LIMD1: variants seen among roughly 807,000 people sequenced by gnomAD.
The protein encoded by LIMD1 is LIM domain containing 1.
Under a neutral mutation model 58.4 loss-of-function variants are expected in LIMD1, and 23 were observed. The observed-to-expected ratio is 0.39, with a 90% CI of 0.28 to 0.56. The LOEUF (loss-of-function observed/expected upper bound fraction) is 0.56. LIMD1 is among the 20% of genes least tolerant of loss of function. The pLI is 0.57. For missense variants in LIMD1, 838 were observed against 855.5 expected, an observed-to-expected ratio of 0.98 and a Z score of 0.25; for synonymous variants, 334 against 345.5, an observed-to-expected ratio of 0.97 and a Z score of 0.37.
chr3:45,656,239 C>G (rs115892573), intron 2 of LIMD1, among the ~76,000 whole-genome samples: 6,036 of 152,268 alleles, frequency 0.04, 130 homozygotes, highest in African/African-American at 0.062. Context: ...AAGCTACTCA[C>G]TTTATGGTAT....
At chr3:45,658,532 A>ATGCTTTT (rs1553646072) in intron 2 of LIMD1, among the ~76,000 whole-genome samples, 1 of 72,138 alleles carries the variant, frequency 1.4e-5, no homozygotes, top group Non-Finnish European at 3.0e-5. Flanking sequence ...CACCATGCAG[A>ATGCTTTT]TTCTTTTTTT....
At chr3:45,648,892 C>G (rs1268303579) in intron 2 of LIMD1, among the ~76,000 whole-genome samples, 2 of 152,164 alleles carry the variant, frequency 1.3e-5, no homozygotes. Context: ...AATGTCTTCT[C>G]AATTCCCTGC....
intron 1 of LIMD1, among the ~76,000 whole-genome samples, chr3:45,607,294 C>T (rs1233747961): frequency 6.6e-6 from 1 of 152,106 alleles, no homozygotes; most frequent in African/African-American, 2.4e-5. Flanking sequence ...CACAGGGTCT[C>T]GGGGTCACAC....
chr3:45,603,965 C>T (rs576452555), intron 1 of LIMD1, among the ~76,000 whole-genome samples: 21 of 151,500 alleles, frequency 1.4e-4, no homozygotes, highest in Admixed American at 9.2e-4. Flanking sequence ...TCACCCAGGA[C>T]GCTCCTTGTG....
intron 2 of LIMD1, among the ~76,000 whole-genome samples, chr3:45,640,716 C>T (rs1377787025): frequency 6.6e-6 from 1 of 152,228 alleles, no homozygotes; most frequent in Non-Finnish European, 1.5e-5. Flanking sequence ...AAGCGTGAGC[C>T]ACCACTCCCA....
At chr3:45,602,899 G>A (rs530230347) in intron 1 of LIMD1, among the ~76,000 whole-genome samples, 1 of 151,772 alleles carries the variant, frequency 6.6e-6, no homozygotes, top group South Asian at 2.1e-4. Context: ...GAGTGCAGTG[G>A]TGCGATCTTG....
At chr3:45,649,780 T>C (rs1406829824) in intron 2 of LIMD1, among the ~76,000 whole-genome samples, 2 of 144,980 alleles carry the variant, frequency 1.4e-5, no homozygotes, top group Admixed American at 1.4e-4. Context: ...ATTATATATA[T>C]AAAATATATA....
intron 1 of LIMD1, among the ~76,000 whole-genome samples, chr3:45,625,265 A>G (rs150983602): frequency 3.9e-5 from 6 of 152,222 alleles, no homozygotes; most frequent in Admixed American, 2.0e-4. Context: ...ACTGTTGTGC[A>G]CAGAGAAAGT....
chr3:45,666,755 G>A (rs898634789), intron 3 of LIMD1, among the ~76,000 whole-genome samples: 8 of 152,086 alleles, frequency 5.3e-5, no homozygotes, highest in Non-Finnish European at 1.2e-4. Context: ...AAGAACATGC[G>A]TCTTCACCTT....
At position 45,620,414 on chromosome 3, in the gene LIMD1, A is replaced by G. The variant is rs965849641; in HGVS notation, c.1409-15736A>G. ...GGAAAACTTTTGTACAGAGGATTCC[A>G]TTAGTAAAATGTAGAAAGAATGATG... On this transcript the variant is annotated intron_variant, in intron 1 of 7. Transcript: ENST00000273317. Among the ~76,000 whole-genome samples, 99 of 152,230 alleles carry G rather than the reference A, an allele frequency of 6.5e-4. 1 individual carries two copies. Among genetic ancestry groups the G allele is most frequent in the Non-Finnish European group, 1.8e-4 (12 of 68,046 alleles).
intron 1 of LIMD1, among the ~76,000 whole-genome samples, chr3:45,611,859 T>C (rs765354629): frequency 7.2e-5 from 11 of 152,264 alleles, no homozygotes; most frequent in Admixed American, 3.3e-4. Flanking sequence ...CCTCTACCCA[T>C]AGCACACAGC....
intron 1 of LIMD1, among the ~76,000 whole-genome samples, chr3:45,618,612 G>GGAAAT (rs1553643477): frequency 6.6e-6 from 1 of 152,154 alleles, no homozygotes; most frequent in Non-Finnish European, 1.5e-5. Flanking sequence ...AGGGAGGGAA[G>GGAAAT]GAAATGAACT....
intron 1 of LIMD1, among the ~76,000 whole-genome samples, chr3:45,621,132 G>T (rs1266265274): frequency 1.3e-5 from 2 of 152,232 alleles, no homozygotes; most frequent in African/African-American, 2.4e-5. Context: ...AGCTGTCCCA[G>T]GTTAAAGGAG....
intron 1 of LIMD1, among the ~76,000 whole-genome samples, chr3:45,601,330 C>T (rs1020411431): frequency 6.6e-6 from 1 of 152,170 alleles, no homozygotes; most frequent in Non-Finnish European, 1.5e-5. Flanking sequence ...CTTCACACTC[C>T]CTCATGGATC....
Position 45,666,985 on chromosome 3 carries a change from C to T in LIMD1, c.1578+1268C>T, listed in dbSNP as rs144463083. Among the ~76,000 whole-genome samples, 74 of 152,278 alleles carry T rather than the reference C, an allele frequency of 4.9e-4. 1 individual carries two copies. The highest frequency in any genetic ancestry group is 1.7e-3 in the African/African-American group (69 of 41,554). On this transcript the variant is annotated intron_variant, in intron 3 of 7. Transcript: ENST00000273317. Reference sequence around the variant, plus strand: ...CCAGAAACAGACTAGCAAACCCAAACGGGCTTAAGTAAAAAGGAAATTATT... The same window carrying T: ...CCAGAAACAGACTAGCAAACCCAAATGGGCTTAAGTAAAAAGGAAATTATT...
chr3:45,612,596 G>A (rs1210376754), intron 1 of LIMD1, among the ~76,000 whole-genome samples: 1 of 152,154 alleles, frequency 6.6e-6, no homozygotes, highest in Non-Finnish European at 1.5e-5. Context: ...TTTGACAGAT[G>A]CATGCACCTG....
Position 45,685,382 on chromosome 3 carries a change from T to C in LIMD1, c.*8323T>C, listed in dbSNP as rs1697798151. On this transcript the variant is annotated 3_prime_UTR_variant, in exon 8 of 8. Coordinates refer to ENST00000273317, the MANE Select transcript of LIMD1 (RefSeq NM_014240.3). The stretch of plus-strand genomic sequence containing the variant: ...GTAAAGAAACGTCAAACTTTGCCTC[T>C]CTTAGTTCCTTCTACATGACAATGG... 6.6e-6 allele frequency: 1 copy of C among 152,242 alleles called. No homozygotes were observed. Among genetic ancestry groups the C allele is most frequent in the African/African-American group, 2.4e-5 (1 of 41,464 alleles). The allele number at this position is 152,242 out of a possible 1,614,324, so 9.4% of individuals were successfully genotyped here. A position where few individuals can be genotyped will look rare whatever the true frequency, so the allele number is the denominator to read the frequency against.
chr3:45,616,879 T>C (rs1377087551), intron 1 of LIMD1, among the ~76,000 whole-genome samples: 1 of 149,408 alleles, frequency 6.7e-6, no homozygotes, highest in African/African-American at 2.5e-5. Flanking sequence ...AGGTTACAGG[T>C]GTGCGCCACC....
intron 2 of LIMD1, among the ~76,000 whole-genome samples, chr3:45,649,703 TGTATAC>T (rs1437697971): frequency 0.03 from 2,939 of 97,386 alleles, 85 homozygotes; most frequent in African/African-American, 0.081. Context: ...ATTATATATA[TGTATAC>T]ATATATATAT....
Sources: allele counts gnomAD v4.1 joint callset (sites outside exome capture counted in the v4.1 genomes callset), GRCh38; gene constraint gnomAD v4.1.1; transcripts MANE v1.5; gene names NCBI Gene and HGNC (gene_info 2026-07-23, HGNC 2026-07-21).